RUSF1: variants seen among roughly 807,000 people sequenced by gnomAD.
The protein encoded by RUSF1 is RUS1 family protein C16orf58.
Under a neutral mutation model 63.0 loss-of-function variants are expected in RUSF1, and 58 were observed. The observed-to-expected ratio is 0.92, with a 90% CI of 0.75 to 1.15. The LOEUF is 1.15. RUSF1 is among the 50% of genes most tolerant of loss of function. The pLI is 0.00. For synonymous variants in RUSF1, 274 were observed against 255.8 expected, an observed-to-expected ratio of 1.07 and a Z score of -0.68; for missense variants, 652 against 611.0, an observed-to-expected ratio of 1.07 and a Z score of -0.71.
intron 9 of RUSF1, 64 bp downstream of exon 9, chr16:31,493,403 T>A (rs989569904): frequency 7.2e-6 from 11 of 1,531,866 alleles, no homozygotes; most frequent in African/African-American, 1.4e-5. Context: ...GAGGCCAGTG[T>A]GTAATCGGAG....
chr16:31,497,366 C>G (rs2082609450), intron 5 of RUSF1, among the ~76,000 whole-genome samples: 1 of 152,162 alleles, frequency 6.6e-6, no homozygotes, highest in Non-Finnish European at 1.5e-5. Flanking sequence ...GAAACCTACA[C>G]TGATGGCCCT....
chr16:31,493,438 T>G (rs1596625634), intron 9 of RUSF1, 29 bp downstream of exon 9: 1 of 1,573,254 alleles, frequency 6.4e-7, no homozygotes, highest in Non-Finnish European at 8.6e-7. Context: ...GTGGCGGTGG[T>G]GACGAGCGGG....
chr16:31,507,777 G>A lies in RUSF1; in HGVS notation c.402C>T (p.Thr134=). 6.4e-7 allele frequency: 1 copy of A among 1,568,132 alleles called. No individual in the cohort carries two copies. Among genetic ancestry groups the A allele is most frequent in the Non-Finnish European group, 8.7e-7 (1 of 1,155,906 alleles). Residue 134 remains threonine, a synonymous_variant, in exon 2 of 13, where the codon ACC becomes ACT. Coordinates refer to ENST00000327237, the MANE Select transcript of RUSF1 (RefSeq NM_022744.4). ...GGTGCAGCTCACCTTTCACGAGCCA[G>A]GTGGCCGTGGCAGCTGAAACAGTGG... The part of the protein sequence containing the change: ...AKATVSAATA[T]WLVKDSTGML...
Position 31,492,004 on chromosome 16 carries a change from G to A in RUSF1, c.1309+5C>T, listed in dbSNP as rs375913449. On this transcript the variant is annotated splice_donor_5th_base_variant and intron_variant, in intron 12 of 12. Transcript: ENST00000327237. ...GCCAAGCAGCCATGGGCTGAGGGAT[G>A]TTACCTTTCAAGAACTTTGGGAACA... 9.3e-6 allele frequency: 15 copies of A among 1,614,038 alleles called. No individual in the cohort carries two copies. Among genetic ancestry groups the A allele is most frequent in the Non-Finnish European group, 1.3e-5 (15 of 1,179,910 alleles).
intron 9 of RUSF1, 110 bp from the exon 10 acceptor site, chr16:31,493,158 G>A (rs1255415358): frequency 8.6e-7 from 1 of 1,161,312 alleles, no homozygotes; most frequent in Non-Finnish European, 1.3e-6. Flanking sequence ...GCTTCACTCA[G>A]GTCCCCTCGC....
chr16:31,490,178 C>A lies in RUSF1; in HGVS notation c.*657G>T, dbSNP rs745742859. The A allele has an allele frequency of 1.2e-6, 2 of 1,614,202 alleles. No homozygotes were observed. Among genetic ancestry groups the A allele is most frequent in the Non-Finnish European group, 8.5e-7 (1 of 1,180,032 alleles). On this transcript the variant is annotated 3_prime_UTR_variant, in exon 13 of 13. Coordinates refer to ENST00000327237, the MANE Select transcript of RUSF1 (RefSeq NM_022744.4). ...ACCTGGATGCTGATGAGCAGCAAGG[C>A]TCCTCACTCCCTGTACAGAATGGGT...
At position 31,490,609 on chromosome 16, in the gene RUSF1, A is replaced by G; in HGVS notation, c.*226T>C. The stretch of plus-strand genomic sequence containing the variant: ...GTGAGGAGCCTGCGGTGCTCCCCAG[A>G]AAAGGGGAAGGGGCAGTGGGGTGAG... On this transcript the variant is annotated 3_prime_UTR_variant, in exon 13 of 13. Coordinates refer to ENST00000327237, the MANE Select transcript of RUSF1 (RefSeq NM_022744.4). The G allele has an allele frequency of 1.5e-6, 2 of 1,330,178 alleles. No homozygotes were observed. The allele number at this position is 1,330,178 out of a possible 1,614,324, so 82.4% of individuals were successfully genotyped here.
intron 2 of RUSF1, among the ~76,000 whole-genome samples, chr16:31,505,052 C>T (rs981953865): frequency 6.6e-6 from 1 of 152,206 alleles, no homozygotes; most frequent in Non-Finnish European, 1.5e-5. Context: ...CCTACTGAGA[C>T]AGCCTGAGAT....
At chr16:31,505,104 C>T (rs903489137) in intron 2 of RUSF1, among the ~76,000 whole-genome samples, 2 of 152,118 alleles carry the variant, frequency 1.3e-5, no homozygotes, top group African/African-American at 4.8e-5. Context: ...TTCCCCAGCC[C>T]GACACCTGTA....
In RUSF1 at chr16:31,492,208, C is replaced by G. The variant is rs150175927; in HGVS notation, c.1220G>C (p.Arg407Pro). The G allele has an allele frequency of 1.2e-6, 2 of 1,610,942 alleles. No homozygotes were observed. The highest frequency in any genetic ancestry group is 1.7e-6 in the Non-Finnish European group (2 of 1,178,150). ...LPAELEELRN[R>P]VRAGPKKESW... ...CTTGAGGCACTTACCTGCCCGCACC[C>G]GGTTCCTCAGCTCCTCCAGCTCTGC... The change falls in exon 11 of 13, where the codon CGG becomes CCG. Residue 407 changes from arginine (R) to proline (P), a missense_variant. Transcript: ENST00000327237.
chr16:31,497,036 C>T lies in RUSF1; in HGVS notation c.601-86G>A. The T allele has an allele frequency of 1.5e-5, 16 of 1,092,090 alleles. No individual in the cohort carries two copies. The South Asian group carries it at 2.3e-4, about 16-fold the overall frequency. 67.6% of individuals were successfully genotyped at this position (1,092,090 alleles called of 1,614,324 possible). ...CAGACCAGCTGGAGAAAACCTGGCC[C>T]CGGCCAAACTCTGAATGCTGTCCTT... On this transcript the variant is annotated intron_variant, in intron 5 of 12. Coordinates refer to ENST00000327237, the MANE Select transcript of RUSF1 (RefSeq NM_022744.4).
intron 6 of RUSF1, among the ~76,000 whole-genome samples, 192 bp downstream of exon 6, chr16:31,496,657 C>T (rs931037089): frequency 2.6e-4 from 39 of 152,230 alleles, no homozygotes; most frequent in African/African-American, 8.7e-4. Flanking sequence ...ACACAGGTGG[C>T]GGGCAGGGCC....
chr16:31,497,856 G>A (rs1300950448), intron 5 of RUSF1, among the ~76,000 whole-genome samples: 2 of 152,226 alleles, frequency 1.3e-5, no homozygotes, highest in Non-Finnish European at 2.9e-5. Context: ...GGCAAGCCTG[G>A]TGAAGGTCTT....
intron 10 of RUSF1, 51 bp downstream of exon 10, chr16:31,492,927 A>C: frequency 6.5e-7 from 1 of 1,548,446 alleles, no homozygotes; most frequent in Non-Finnish European, 8.8e-7. Flanking sequence ...GAGGAATGAG[A>C]GGCTGACCTG....
intron 2 of RUSF1, among the ~76,000 whole-genome samples, chr16:31,505,974 G>A (rs1353870707): frequency 2.0e-5 from 3 of 152,230 alleles, no homozygotes; most frequent in Admixed American, 6.5e-5. Context: ...CTGGTGATCT[G>A]CTGTGCTGCT....
intron 2 of RUSF1, among the ~76,000 whole-genome samples, chr16:31,506,057 G>C (rs2082657187): frequency 6.6e-6 from 1 of 152,182 alleles, no homozygotes; most frequent in South Asian, 2.1e-4. Context: ...GTACTTCTGT[G>C]TGAATAGGTA....
intron 2 of RUSF1, among the ~76,000 whole-genome samples, chr16:31,503,974 T>C (rs2082645264): frequency 6.6e-6 from 1 of 151,862 alleles, no homozygotes; most frequent in Admixed American, 6.6e-5. Context: ...TAACAAGCCT[T>C]TTAAGTAGAT....
At chr16:31,495,369 G>A (rs1234998531) in intron 6 of RUSF1, among the ~76,000 whole-genome samples, 1 of 152,204 alleles carries the variant, frequency 6.6e-6, no homozygotes, top group Non-Finnish European at 1.5e-5. Context: ...TCAGGGACCT[G>A]GGGAGTTCAG....
chr16:31,504,354 C>A (rs2142660831), intron 2 of RUSF1, among the ~76,000 whole-genome samples: 1 of 152,258 alleles, frequency 6.6e-6, no homozygotes, highest in East Asian at 1.9e-4. Context: ...GTGCAACCTC[C>A]ACTTCCTGGG....
Sources: allele counts gnomAD v4.1 joint callset (sites outside exome capture counted in the v4.1 genomes callset), GRCh38; gene constraint gnomAD v4.1.1; transcripts MANE v1.5; gene names NCBI Gene and HGNC (gene_info 2026-07-23, HGNC 2026-07-21).